PAK1: variants seen among roughly 807,000 people sequenced by gnomAD.
PAK1 encodes the protein serine/threonine-protein kinase PAK 1.
In PAK1, 29 loss-of-function variants were observed where a neutral mutation model predicts 67.4. The observed-to-expected ratio is 0.43, with a 90% CI of 0.32 to 0.59. PAK1 has a LOEUF of 0.59. Ranked by LOEUF, PAK1 falls within the 20% of genes least tolerant of loss-of-function variation. The probability of loss-of-function intolerance (pLI) is 0.07; values close to 1 mark genes in which losing one functional copy is unlikely to be tolerated. For synonymous variants in PAK1, 223 were observed against 237.4 expected (o/e 0.94, Z 0.56); for missense variants, 337 against 670.7 (o/e 0.50, Z 5.50).
rs574791289 is a variant in PAK1, at chr11:77,460,863, G to A, written c.-22+12689C>T. On this transcript the variant is annotated intron_variant, in intron 1 of 14. Coordinates refer to ENST00000356341, the MANE Select transcript of PAK1 (RefSeq NM_002576.5). ...TGATATATGAGGCAAAGTCTGGAGGGTGGGGGCAGAGAGGTAAAGGGCAGA... is the reference window on the plus strand; with the variant it reads ...TGATATATGAGGCAAAGTCTGGAGGATGGGGGCAGAGAGGTAAAGGGCAGA... Among the ~76,000 whole-genome samples the A allele has an allele frequency of 2.0e-5, 3 of 152,272 alleles. No homozygotes were observed. In the South Asian group the frequency reaches 6.2e-4, roughly 32 times the overall value.
intron 1 of PAK1, among the ~76,000 whole-genome samples, chr11:77,462,494 T>A (rs1363089255): frequency 6.6e-6 from 1 of 151,386 alleles, no homozygotes; most frequent in Non-Finnish European, 1.5e-5. Context: ...TTTTTTTTTT[T>A]ATGTTCTTTG....
intron 1 of PAK1, among the ~76,000 whole-genome samples, chr11:77,431,412 A>G (rs1021172802): frequency 2.0e-5 from 3 of 152,148 alleles, no homozygotes; most frequent in African/African-American, 7.2e-5. Context: ...GACCTACCCA[A>G]TGTTTAACAA....
At chr11:77,378,042 A>G (rs1289485068) in intron 4 of PAK1, among the ~76,000 whole-genome samples, 1 of 152,234 alleles carries the variant, frequency 6.6e-6, no homozygotes, top group African/African-American at 2.4e-5. Context: ...CCTTGAAACA[A>G]GCCAGATACT....
At chr11:77,331,718 T>C (rs549039029) in intron 14 of PAK1, among the ~76,000 whole-genome samples, 42 of 150,904 alleles carry the variant, frequency 2.8e-4, no homozygotes, top group African/African-American at 9.8e-4. Context: ...CACACCAACA[T>C]GGTACATGTA....
At chr11:77,445,395 G>C (rs1352420323) in intron 1 of PAK1, among the ~76,000 whole-genome samples, 2 of 152,134 alleles carry the variant, frequency 1.3e-5, no homozygotes, top group Non-Finnish European at 2.9e-5. Flanking sequence ...AACTACTAAA[G>C]TTTGTACCCA....
At chr11:77,405,029 A>C (rs1156863508) in intron 1 of PAK1, among the ~76,000 whole-genome samples, 3 of 152,246 alleles carry the variant, frequency 2.0e-5, no homozygotes, top group Non-Finnish European at 4.4e-5. Context: ...AAGATAATCA[A>C]GACAGGCTTC....
intron 14 of PAK1, among the ~76,000 whole-genome samples, chr11:77,330,074 C>T (rs1391551483): frequency 3.3e-5 from 5 of 152,134 alleles, no homozygotes; most frequent in African/African-American, 4.8e-5. Context: ...ATCCAACTTA[C>T]AAGAGATGTG....
the PAK1 span, among the ~76,000 whole-genome samples, chr11:77,502,202 T>A: frequency 2.0e-5 from 3 of 152,218 alleles, no homozygotes; most frequent in Non-Finnish European, 2.9e-5. Context: ...TTTTTCTTTT[T>A]AAAGTTTTCT....
intron 11 of PAK1, among the ~76,000 whole-genome samples, chr11:77,339,003 T>C (rs986599619): frequency 7.9e-5 from 12 of 152,074 alleles, no homozygotes; most frequent in African/African-American, 2.4e-4. Flanking sequence ...TAAAATTCAT[T>C]ATGATGGTGG....
the PAK1 span, among the ~76,000 whole-genome samples, chr11:77,483,213 A>AT: frequency 1.3e-5 from 2 of 151,814 alleles, no homozygotes; most frequent in Non-Finnish European, 2.9e-5. Context: ...AAAAAAAAAA[A>AT]GAATAGTCTC....
At chr11:77,481,411 T>C in the PAK1 span, among the ~76,000 whole-genome samples, 1 of 152,148 alleles carries the variant, frequency 6.6e-6, no homozygotes, top group African/African-American at 2.4e-5. Context: ...GCACGGTGGC[T>C]CATGCCTGTA....
At position 77,327,178 on chromosome 11, in the gene PAK1, G is replaced by A. The variant is rs1273072549; in HGVS notation, c.1552-3818C>T. Among the ~76,000 whole-genome samples the A allele has an allele frequency of 8.5e-5, 13 of 152,302 alleles. No individual in the cohort carries two copies. The South Asian group carries it at 1.0e-3, about 12-fold the overall frequency. On this transcript the variant is annotated intron_variant, in intron 14 of 14. Coordinates refer to ENST00000356341, the MANE Select transcript of PAK1 (RefSeq NM_002576.5). ...TCTGATTGGTATACCTGAAAGTGAC[G>A]GGGAGAATGGAACCAAGTTGGAAAA...
chr11:77,499,822 G>A, the PAK1 span, among the ~76,000 whole-genome samples: 7 of 152,118 alleles, frequency 4.6e-5, no homozygotes, highest in Non-Finnish European at 8.8e-5. Context: ...TACACACACA[G>A]AGCAGTAGAC....
intron 1 of PAK1, among the ~76,000 whole-genome samples, chr11:77,446,165 T>C (rs1956589619): frequency 6.6e-6 from 1 of 152,208 alleles, no homozygotes; most frequent in South Asian, 2.1e-4. Flanking sequence ...GATATTAAAA[T>C]GTTTGACTCA....
At chr11:77,326,406 T>C (rs1246109585) in intron 14 of PAK1, among the ~76,000 whole-genome samples, 4 of 152,172 alleles carry the variant, frequency 2.6e-5, no homozygotes, top group Non-Finnish European at 4.4e-5. Context: ...TAAACTTATG[T>C]TCCATGGATG....
intron 1 of PAK1, among the ~76,000 whole-genome samples, chr11:77,400,322 T>C (rs1952502743): frequency 6.6e-6 from 1 of 152,204 alleles, no homozygotes; most frequent in South Asian, 2.1e-4. Flanking sequence ...GTCTTTTATG[T>C]TCTGCACCAC....
At chr11:77,323,507 A>T (rs1938872301) in intron 14 of PAK1, 147 bp from the exon 15 acceptor site, 1 of 645,612 alleles carries the variant, frequency 1.5e-6, no homozygotes, top group Non-Finnish European at 2.8e-6. Context: ...ATCTTAAAAC[A>T]GACCACTTTG....
chr11:77,373,246 A>G (rs1270777731), intron 5 of PAK1, among the ~76,000 whole-genome samples: 10 of 152,188 alleles, frequency 6.6e-5, no homozygotes, highest in African/African-American at 1.9e-4. Flanking sequence ...TGTAAAAAAT[A>G]AATAGCAACC....
chr11:77,379,870 A>G (rs1440487214), intron 3 of PAK1, 24 bp downstream of exon 3: 1 of 1,489,196 alleles, frequency 6.7e-7, no homozygotes, highest in Non-Finnish European at 9.3e-7. Flanking sequence ...AAGACTAAAG[A>G]CCTTTCTGTG....
Sources: gnomAD v4.1 joint callset for allele counts (sites outside exome capture counted in the v4.1 genomes callset) on GRCh38, gnomAD v4.1.1 for gene constraint, MANE v1.5 for transcripts, NCBI Gene and HGNC (gene_info 2026-07-23, HGNC 2026-07-21) for gene names.